IQCM: variants seen among roughly 807,000 people sequenced by gnomAD.
IQCM encodes IQ motif containing M.
IQCM carries 45 observed loss-of-function variants against 57.6 expected under a neutral mutation model. The observed-to-expected ratio is 0.78, with a 90% CI of 0.62 to 1.00. IQCM has a LOEUF of 1.00. Among genes scored for constraint, IQCM ranks in the 50% least tolerant of loss-of-function variants. IQCM has a pLI of 0.00. For synonymous variants in IQCM, 148 were observed against 158.9 expected, an observed-to-expected ratio of 0.93 and a Z score of 0.51; for missense variants, 468 against 511.6, an observed-to-expected ratio of 0.91 and a Z score of 0.82.
chr4:149,710,577 G>C lies in IQCM; in HGVS notation c.385+22667C>G, dbSNP rs190497343. Among the ~76,000 whole-genome samples the C allele has an allele frequency of 9.2e-5, 14 of 152,134 alleles. No homozygotes were observed. The East Asian group carries it at 2.7e-3, about 29-fold the overall frequency. ...CCCATTAATAAATGTGGTATTGTTAGAAAGACTCTCCAGGTAGACGTAGGA... is the reference window on the plus strand; with the variant it reads ...CCCATTAATAAATGTGGTATTGTTACAAAGACTCTCCAGGTAGACGTAGGA... On this transcript the variant is annotated intron_variant, in intron 5 of 13. Coordinates refer to ENST00000636793, the MANE Select transcript of IQCM (RefSeq NM_001363507.2).
At chr4:149,607,812 A>G (rs893670315) in intron 8 of IQCM, among the ~76,000 whole-genome samples, 1 of 151,966 alleles carries the variant, frequency 6.6e-6, no homozygotes, top group African/African-American at 2.4e-5. Flanking sequence ...AAACTAAAAC[A>G]TACTACCAAA....
At chr4:149,588,486 T>C (rs1752839532) in intron 8 of IQCM, among the ~76,000 whole-genome samples, 1 of 151,888 alleles carries the variant, frequency 6.6e-6, no homozygotes, top group Admixed American at 6.6e-5. Context: ...GTGCTTCCCC[T>C]AAATCCATAT....
intron 7 of IQCM, among the ~76,000 whole-genome samples, chr4:149,631,830 G>T (rs1474730968): frequency 6.6e-6 from 1 of 151,960 alleles, no homozygotes; most frequent in Non-Finnish European, 1.5e-5. Flanking sequence ...CTAAACCATG[G>T]TTTCACTGTG....
intron 7 of IQCM, among the ~76,000 whole-genome samples, chr4:149,673,521 AAAG>A (rs1459059349): frequency 6.6e-6 from 1 of 152,200 alleles, no homozygotes; most frequent in African/African-American, 2.4e-5. Context: ...CAAAAGAGAC[AAAG>A]AAGGCCATTA....
At chr4:149,718,930 C>CT (rs1469978084) in intron 5 of IQCM, among the ~76,000 whole-genome samples, 5 of 152,174 alleles carry the variant, frequency 3.3e-5, no homozygotes, top group Admixed American at 2.6e-4. Flanking sequence ...CAGCAAAGAC[C>CT]TTTTTCCCAA....
At chr4:149,739,608 A>T (rs1407597291) in intron 3 of IQCM, among the ~76,000 whole-genome samples, 3 of 152,036 alleles carry the variant, frequency 2.0e-5, no homozygotes, top group Non-Finnish European at 4.4e-5. Context: ...AAATATTTTC[A>T]TACATAGGAT....
intron 5 of IQCM, chr4:149,691,761 T>C (rs1322528649): frequency 2.6e-5 from 4 of 152,088 alleles, no homozygotes; most frequent in African/African-American, 4.8e-5. Flanking sequence ...TGGAATTGAA[T>C]ACATGAGCAG....
intron 9 of IQCM, among the ~76,000 whole-genome samples, chr4:149,568,635 T>C (rs1750859663): frequency 6.6e-6 from 1 of 151,828 alleles, no homozygotes; most frequent in African/African-American, 2.4e-5. Flanking sequence ...AAAATGACTA[T>C]GAAAAATTAG....
At chr4:149,529,821 G>T (rs954879083) in intron 12 of IQCM, among the ~76,000 whole-genome samples, 2 of 151,998 alleles carry the variant, frequency 1.3e-5, no homozygotes, top group East Asian at 3.9e-4. Context: ...CCATTCACAT[G>T]AAAGTCATGC....
intron 10 of IQCM, among the ~76,000 whole-genome samples, chr4:149,558,004 A>G (rs1389076619): frequency 6.6e-6 from 1 of 152,216 alleles, no homozygotes; most frequent in Non-Finnish European, 1.5e-5. Flanking sequence ...TCTATCTAGC[A>G]GCATTGGAGA....
At chr4:149,449,255 C>T (rs1310981233) in intron 12 of IQCM, among the ~76,000 whole-genome samples, 2 of 138,896 alleles carry the variant, frequency 1.4e-5, no homozygotes, top group Admixed American at 1.5e-4. Flanking sequence ...CAAAAAAAAG[C>T]AAAACACCTT....
At chr4:149,769,473 C>T (rs1280087044) in intron 2 of IQCM, among the ~76,000 whole-genome samples, 1 of 151,470 alleles carries the variant, frequency 6.6e-6, no homozygotes, top group African/African-American at 2.4e-5. Context: ...AGATACAGTC[C>T]AAGTCCCTCA....
intron 12 of IQCM, among the ~76,000 whole-genome samples, chr4:149,468,311 G>T (rs1739093907): frequency 6.6e-6 from 1 of 152,142 alleles, no homozygotes; most frequent in African/African-American, 2.4e-5. Flanking sequence ...TTAGCAAATG[G>T]CACACCAGGA....
At chr4:149,684,054 A>G (rs1762381613) in intron 6 of IQCM, among the ~76,000 whole-genome samples, 1 of 151,378 alleles carries the variant, frequency 6.6e-6, no homozygotes, top group Non-Finnish European at 1.5e-5. Context: ...GCACCAAATA[A>G]TATCAACTAA....
At chr4:149,537,044 A>G (rs1747367086) in intron 12 of IQCM, among the ~76,000 whole-genome samples, 1 of 152,050 alleles carries the variant, frequency 6.6e-6, no homozygotes, top group South Asian at 2.1e-4. Context: ...GTGCTCAACA[A>G]TAACAACAAC....
At chr4:149,478,661 G>A (rs1203980328) in intron 12 of IQCM, among the ~76,000 whole-genome samples, 1 of 152,104 alleles carries the variant, frequency 6.6e-6, no homozygotes, top group Non-Finnish European at 1.5e-5. Flanking sequence ...CAAGACGCAG[G>A]AAATAGCACT....
chr4:149,741,200 A>C (rs944397937), intron 3 of IQCM, among the ~76,000 whole-genome samples: 3 of 152,112 alleles, frequency 2.0e-5, no homozygotes, highest in African/African-American at 7.2e-5. Context: ...TTCTAAATTA[A>C]AGGCACTCTG....
chr4:149,672,691 G>A (rs1461389505), intron 7 of IQCM, among the ~76,000 whole-genome samples: 2 of 152,128 alleles, frequency 1.3e-5, no homozygotes, highest in Admixed American at 1.3e-4. Context: ...GAACCAAGTT[G>A]GAAAACACTC....
intron 12 of IQCM, among the ~76,000 whole-genome samples, chr4:149,479,426 CTATT>C (rs917280191): frequency 3.3e-5 from 5 of 152,174 alleles, no homozygotes; most frequent in African/African-American, 1.2e-4. Flanking sequence ...TTATTTGAGA[CTATT>C]TACTATGTCA....
Sources: gnomAD v4.1 joint callset for allele counts (sites outside exome capture counted in the v4.1 genomes callset) on GRCh38, gnomAD v4.1.1 for gene constraint, MANE v1.5 for transcripts, NCBI Gene and HGNC (gene_info 2026-07-23, HGNC 2026-07-21) for gene names.